Variants in FKBP5 observed in about 807,000 individuals in gnomAD.
FKBP5 encodes the protein FKBP prolyl isomerase 5.
A neutral mutation model predicts 50.5 loss-of-function variants in FKBP5; 23 were observed. The observed-to-expected ratio is 0.46, with a 90% CI of 0.33 to 0.65. The LOEUF (loss-of-function observed/expected upper bound fraction) is 0.65, where lower values mean the gene tolerates loss of function less well. Among genes scored for constraint, FKBP5 ranks in the 30% least tolerant of loss-of-function variants. The pLI is 0.02. For missense variants in FKBP5, 411 were observed against 553.1 expected, an observed-to-expected ratio of 0.74 and a Z score of 2.58; for synonymous variants, 176 against 190.6, an observed-to-expected ratio of 0.92 and a Z score of 0.63.
intron 7 of FKBP5, among the ~76,000 whole-genome samples, chr6:35,588,971 C>T (rs368629069): frequency 5.3e-5 from 8 of 150,388 alleles, no homozygotes; most frequent in South Asian, 2.1e-4. Context: ...TTGAACTCCT[C>T]GGCTCAAGTA....
chr6:35,648,154 G>C (rs1251109793), intron 1 of FKBP5, among the ~76,000 whole-genome samples: 1 of 152,214 alleles, frequency 6.6e-6, no homozygotes, highest in Non-Finnish European at 1.5e-5. Context: ...AACCATGTTA[G>C]ATGATCCTAA....
intron 2 of FKBP5, among the ~76,000 whole-genome samples, chr6:35,711,409 G>C (rs1405665296): frequency 4.6e-5 from 7 of 151,884 alleles, no homozygotes; most frequent in Non-Finnish European, 1.0e-4. Context: ...CCTGAGGTCA[G>C]GAGTTCAAGA....
intron 2 of FKBP5, among the ~76,000 whole-genome samples, chr6:35,710,709 T>C (rs1337154241): frequency 6.6e-6 from 1 of 152,198 alleles, no homozygotes; most frequent in African/African-American, 2.4e-5. Context: ...ACAGCAACTT[T>C]TTCATAATAG....
chr6:35,646,643 A>G (rs1002016219), intron 1 of FKBP5, among the ~76,000 whole-genome samples: 29 of 152,178 alleles, frequency 1.9e-4, no homozygotes, highest in African/African-American at 6.8e-4. Context: ...TTTATAAGAG[A>G]GACTTTTCTT....
At position 35,629,509 on chromosome 6, in the gene FKBP5, A is replaced by AAAAC. The variant is rs60537217; in HGVS notation, c.250+7501_250+7504dup. On this transcript the variant is annotated intron_variant, in intron 3 of 10. Coordinates refer to ENST00000357266, the MANE Select transcript of FKBP5 (RefSeq NM_004117.4). ...CTCCCCACCTTCATGGCTTATAATT[A>AAAAC]AAACAAACAAACAAACAAACAGGGA... Among the ~76,000 whole-genome samples, 1,182 of 152,280 alleles carry AAAAC rather than the reference A, an allele frequency of 7.8e-3. 7 individuals are homozygous for AAAAC. Among genetic ancestry groups the AAAAC allele is most frequent in the African/African-American group, 0.019 (775 of 41,560 alleles).
intron 5 of FKBP5, among the ~76,000 whole-genome samples, chr6:35,604,068 T>C (rs1485011208): frequency 1.3e-5 from 2 of 151,504 alleles, no homozygotes; most frequent in Admixed American, 1.3e-4. Context: ...AGTGCAGTGG[T>C]GTGATCATGG....
intron 3 of FKBP5, 89 bp downstream of exon 3, chr6:35,636,925 C>T: frequency 7.9e-7 from 1 of 1,268,888 alleles, no homozygotes; most frequent in Non-Finnish European, 1.0e-6. Context: ...AATTTCTTTA[C>T]TTTTAGAAAG....
intron 1 of FKBP5, among the ~76,000 whole-genome samples, chr6:35,684,708 T>G (rs753371873): frequency 6.6e-6 from 1 of 152,122 alleles, no homozygotes; most frequent in Non-Finnish European, 1.5e-5. Flanking sequence ...GGACCTTCAC[T>G]TTCATTAACC....
At chr6:35,687,080 C>G (rs1561895340) in intron 1 of FKBP5, among the ~76,000 whole-genome samples, 2 of 152,136 alleles carry the variant, frequency 1.3e-5, no homozygotes, top group Non-Finnish European at 2.9e-5. Context: ...AGTAAAATGA[C>G]CATTCAATGA....
intron 5 of FKBP5, among the ~76,000 whole-genome samples, chr6:35,609,562 C>G (rs1366988742): frequency 6.6e-6 from 1 of 152,168 alleles, no homozygotes; most frequent in African/African-American, 2.4e-5. Flanking sequence ...CCCTTTCGAT[C>G]TTAAGAATCT....
At chr6:35,591,031 C>A in intron 7 of FKBP5, 99 bp downstream of exon 7, 1 of 721,070 alleles carries the variant, frequency 1.4e-6, no homozygotes, top group Admixed American at 2.7e-5. Context: ...TGAATAAACA[C>A]CATCTATCTA....
intron 5 of FKBP5, among the ~76,000 whole-genome samples, chr6:35,614,742 T>C (rs1763591978): frequency 6.6e-6 from 1 of 151,270 alleles, no homozygotes; most frequent in African/African-American, 2.4e-5. Flanking sequence ...GAGAATGGAG[T>C]TTCAAATGAG....
At position 35,664,804 on chromosome 6, in the gene FKBP5, C is replaced by T. The variant is rs1292714119; in HGVS notation, c.-19-21961G>A. The T allele has an allele frequency of 2.6e-5, 4 of 154,104 alleles. No individual in the cohort carries two copies. The East Asian group carries it at 7.7e-4, about 30-fold the overall frequency. 9.5% of individuals were successfully genotyped at this position (154,104 alleles called of 1,614,324 possible). On this transcript the variant is annotated intron_variant, in intron 1 of 10. Transcript: ENST00000357266. ...GAAATTAAAAGTGGCATAATTTCTC[C>T]CTCTTTCCTTCTCCAATCTTTGATT...
exon 2 of FKBP5, chr6:35,720,352 TG>T (rs1404536824): frequency 2.0e-5 from 3 of 152,596 alleles, no homozygotes; most frequent in African/African-American, 7.2e-5. Context: ...GTTCTGTCCC[TG>T]CAGCCCACAC....
At chr6:35,597,718 G>C (rs1024690131) in intron 5 of FKBP5, among the ~76,000 whole-genome samples, 3 of 152,106 alleles carry the variant, frequency 2.0e-5, no homozygotes, top group African/African-American at 7.2e-5. Flanking sequence ...ATAATACAAA[G>C]TCAAGAGATG....
rs1026017238 is a variant in FKBP5, at chr6:35,625,870, C to T, written c.251-5596G>A. 2.0e-5 allele frequency among the ~76,000 whole-genome samples: 3 copies of T among 151,352 alleles called. No individual in the cohort carries two copies. In the East Asian group the frequency reaches 5.9e-4, roughly 30 times the overall value. On this transcript the variant is annotated intron_variant, in intron 3 of 10. Transcript: ENST00000357266. ...TCTCTGCTCACCGCAAGCTCCGCCT[C>T]CCGGGTTCACGCCATTCTCCTGCCT...
At chr6:35,681,053 C>T (rs6457839) in intron 1 of FKBP5, among the ~76,000 whole-genome samples, 112,675 of 152,140 alleles carry the variant, frequency 0.74, 41,973 homozygotes, top group African/African-American at 0.81. Flanking sequence ...CAAAAGACAG[C>T]CAACGATTCT....
At chr6:35,593,507 G>A (rs1330101056) in intron 6 of FKBP5, among the ~76,000 whole-genome samples, 1 of 152,068 alleles carries the variant, frequency 6.6e-6, no homozygotes, top group Non-Finnish European at 1.5e-5. Flanking sequence ...AGGTTTTTTG[G>A]ACTCATACTG....
At chr6:35,703,704 C>T (rs1766232456) in intron 2 of FKBP5, among the ~76,000 whole-genome samples, 1 of 152,142 alleles carries the variant, frequency 6.6e-6, no homozygotes, top group African/African-American at 2.4e-5. Flanking sequence ...AACTCAGATT[C>T]CCAGCCTCCC....
Sources: gnomAD v4.1 joint callset for allele counts (sites outside exome capture counted in the v4.1 genomes callset) on GRCh38, gnomAD v4.1.1 for gene constraint, MANE v1.5 for transcripts, NCBI Gene and HGNC (gene_info 2026-07-23, HGNC 2026-07-21) for gene names.